SLC9A9: variants seen among roughly 807,000 people sequenced by gnomAD.
The protein encoded by SLC9A9 is sodium/hydrogen exchanger 9.
SLC9A9 carries 62 observed loss-of-function variants against 77.8 expected under a neutral mutation model. The observed-to-expected ratio is 0.80, with a 90% confidence interval of 0.65 to 0.98. SLC9A9 has a LOEUF of 0.98. SLC9A9 is among the 50% of genes least tolerant of loss of function. SLC9A9 has a pLI of 0.00. For missense variants in SLC9A9, 775 were observed against 774.9 expected, an observed-to-expected ratio of 1.00 and a Z score of 0.00; for synonymous variants, 320 against 283.5, an observed-to-expected ratio of 1.13 and a Z score of -1.29.
At chr3:143,405,726 T>C (rs1042760684) in intron 12 of SLC9A9, among the ~76,000 whole-genome samples, 2 of 152,190 alleles carry the variant, frequency 1.3e-5, no homozygotes, top group African/African-American at 4.8e-5. Context: ...CAGAGCTCTC[T>C]GACGGGGAAC....
chr3:143,843,720 G>A (rs939467170), intron 1 of SLC9A9, among the ~76,000 whole-genome samples: 8 of 152,142 alleles, frequency 5.3e-5, no homozygotes, highest in African/African-American at 1.9e-4. Context: ...AGCCCCCAGT[G>A]ATATATAATG....
Position 143,355,174 on chromosome 3 carries a change from A to G in SLC9A9, c.1604+8310T>C, listed in dbSNP as rs562814414. Among the ~76,000 whole-genome samples, 55 of 152,356 alleles carry G rather than the reference A, an allele frequency of 3.6e-4. No homozygotes were observed. The East Asian group carries it at 0.011, about 29-fold the overall frequency. ...ATGTCTGATTTATAGCCCAAGTGAA[A>G]CCTTTCCTTTATGGAAACTAAAGAC... is the stretch of plus-strand genomic sequence containing the variant. On this transcript the variant is annotated intron_variant, in intron 14 of 15. Transcript: ENST00000316549.
At chr3:143,652,710 T>A (rs570001947) in intron 5 of SLC9A9, among the ~76,000 whole-genome samples, 209 of 151,862 alleles carry the variant, frequency 1.4e-3, no homozygotes, top group Non-Finnish European at 2.5e-3. Context: ...ACCTTTGCAT[T>A]TTGATTCCTT....
chr3:143,427,020 G>C (rs936040939), intron 12 of SLC9A9, among the ~76,000 whole-genome samples: 2 of 152,172 alleles, frequency 1.3e-5, no homozygotes, highest in Non-Finnish European at 2.9e-5. Context: ...AGGCATTATT[G>C]TGACTGTTAA....
At chr3:143,367,463 C>A (rs894829628) in intron 13 of SLC9A9, among the ~76,000 whole-genome samples, 1 of 152,116 alleles carries the variant, frequency 6.6e-6, no homozygotes, top group African/African-American at 2.4e-5. Flanking sequence ...TGGATCCATT[C>A]GTTTATTTCT....
intron 9 of SLC9A9, among the ~76,000 whole-genome samples, chr3:143,529,563 A>C (rs1041333941): frequency 1.3e-5 from 2 of 152,184 alleles, no homozygotes; most frequent in Non-Finnish European, 2.9e-5. Flanking sequence ...ACATGAGAGC[A>C]GGGATTTTTA....
At chr3:143,572,287 T>G (rs1460639782) in intron 8 of SLC9A9, among the ~76,000 whole-genome samples, 2 of 149,290 alleles carry the variant, frequency 1.3e-5, no homozygotes, top group African/African-American at 5.0e-5. Context: ...TTGACAATTC[T>G]TAGGCAATGG....
At chr3:143,335,545 CTG>C (rs2031897295) in intron 14 of SLC9A9, among the ~76,000 whole-genome samples, 2 of 152,266 alleles carry the variant, frequency 1.3e-5, no homozygotes, top group South Asian at 4.1e-4. Context: ...GTATTCAAAA[CTG>C]TGTGGTACTG....
chr3:143,832,784 C>T (rs1412197957), intron 1 of SLC9A9, among the ~76,000 whole-genome samples: 2 of 150,906 alleles, frequency 1.3e-5, no homozygotes, highest in Non-Finnish European at 2.9e-5. Flanking sequence ...AGCCAATATA[C>T]TGAGGAGGGT....
intron 14 of SLC9A9, among the ~76,000 whole-genome samples, chr3:143,279,764 G>T (rs57031784): frequency 1.3e-5 from 2 of 152,194 alleles, no homozygotes; most frequent in East Asian, 3.9e-4. Flanking sequence ...TTATGGCTGC[G>T]TAGTATTTCA....
rs141840594 is a variant in SLC9A9, at chr3:143,653,533, C to T, written c.650-1173G>A. On this transcript the variant is annotated intron_variant, in intron 5 of 15. Transcript: ENST00000316549. ...AACTGTGTTGTACAAAACAGTGCTA[C>T]GAGGAAATAAAAGCAAGACAGACAA... Among the ~76,000 whole-genome samples, 57 of 151,890 alleles carry T rather than the reference C, an allele frequency of 3.8e-4. No individual in the cohort carries two copies. The East Asian group carries it at 5.8e-3, about 15-fold the overall frequency.
intron 5 of SLC9A9, among the ~76,000 whole-genome samples, chr3:143,676,461 G>A (rs1024364428): frequency 3.3e-5 from 5 of 152,240 alleles, no homozygotes; most frequent in African/African-American, 9.6e-5. Flanking sequence ...AAAAGCAGCT[G>A]GGTGTGGTGG....
intron 2 of SLC9A9, among the ~76,000 whole-genome samples, chr3:143,813,183 A>T (rs1420924219): frequency 6.6e-6 from 1 of 152,160 alleles, no homozygotes; most frequent in Non-Finnish European, 1.5e-5. Flanking sequence ...CCAATATGAT[A>T]CAAACAGAAA....
chr3:143,363,670 T>C (rs2032818627), intron 13 of SLC9A9, 107 bp from the exon 14 acceptor site: 14 of 1,036,774 alleles, frequency 1.4e-5, no homozygotes, highest in Non-Finnish European at 1.8e-5. Context: ...AAAAAAACCT[T>C]TCTAAGTATA....
intron 8 of SLC9A9, 37 bp downstream of exon 8, chr3:143,574,051 C>G: frequency 6.4e-7 from 1 of 1,557,886 alleles, no homozygotes; most frequent in Non-Finnish European, 8.8e-7. Flanking sequence ...CACACATATT[C>G]ACACATCCAG....
At position 143,449,818 on chromosome 3, in the gene SLC9A9, ATTTACATATAT is replaced by A. The variant is rs2034951650; in HGVS notation, c.1469+17208_1469+17218del. On this transcript the variant is annotated intron_variant, in intron 12 of 15. Transcript: ENST00000316549. ...ATATATTTTATATATATAATTATATATTTACATATATAATTATATGTATTATATATATATAA... is the reference window on the plus strand; with the variant it reads ...ATATATTTTATATATATAATTATATAAATTATATGTATTATATATATATAA... Among the ~76,000 whole-genome samples, 4 of 41,012 alleles carry A rather than the reference ATTTACATATAT, an allele frequency of 9.8e-5. 1 individual carries two copies. Among genetic ancestry groups the A allele is most frequent in the African/African-American group, 6.5e-4 (4 of 6,186 alleles). 26.9% of individuals were successfully genotyped at this position (41,012 alleles called of 152,430 possible).
chr3:143,394,633 A>T (rs1020259607), intron 12 of SLC9A9, among the ~76,000 whole-genome samples: 1 of 152,214 alleles, frequency 6.6e-6, no homozygotes, highest in African/African-American at 2.4e-5. Context: ...AATAAAGGGT[A>T]TTCAATTAGG....
intron 12 of SLC9A9, among the ~76,000 whole-genome samples, chr3:143,401,574 A>G (rs1459707089): frequency 6.6e-6 from 1 of 152,194 alleles, no homozygotes; most frequent in Non-Finnish European, 1.5e-5. Context: ...AGAAATCCAT[A>G]AATATAATAA....
At chr3:143,468,995 AC>A (rs1016576471) in intron 11 of SLC9A9, among the ~76,000 whole-genome samples, 22 of 152,166 alleles carry the variant, frequency 1.4e-4, no homozygotes, top group African/African-American at 4.8e-4. Context: ...CCCCATCTCT[AC>A]TAAAAATACA....
Sources: gnomAD v4.1 joint callset for allele counts (sites outside exome capture counted in the v4.1 genomes callset) on GRCh38, gnomAD v4.1.1 for gene constraint, MANE v1.5 for transcripts, NCBI Gene and HGNC (gene_info 2026-07-23, HGNC 2026-07-21) for gene names.